Variants in HS6ST3 observed in about 807,000 individuals in gnomAD.
HS6ST3 encodes heparan-sulfate 6-O-sulfotransferase 3.
A neutral mutation model predicts 36.7 loss-of-function variants in HS6ST3; 12 were observed. The observed-to-expected ratio is 0.33, with a 90% confidence interval of 0.21 to 0.53. The LOEUF (loss-of-function observed/expected upper bound fraction) is 0.53. HS6ST3 is among the 20% of genes least tolerant of loss of function. The pLI is 0.95. For missense variants in HS6ST3, 584 were observed against 640.9 expected (o/e 0.91, Z 0.96); for synonymous variants, 240 against 257.5 (o/e 0.93, Z 0.65).
intron 1 of HS6ST3, among the ~76,000 whole-genome samples, chr13:96,756,107 A>G (rs1039513587): frequency 1.1e-4 from 16 of 152,276 alleles, no homozygotes; most frequent in African/African-American, 3.8e-4. Context: ...CTTATTAGCC[A>G]TGTGTATATA....
At chr13:96,450,013 C>T (rs2055719844) in intron 1 of HS6ST3, among the ~76,000 whole-genome samples, 1 of 152,168 alleles carries the variant, frequency 6.6e-6, no homozygotes, top group Non-Finnish European at 1.5e-5. Context: ...CATCAAAGAG[C>T]AGCCCCAGGT....
intron 1 of HS6ST3, among the ~76,000 whole-genome samples, chr13:96,689,567 G>T (rs574940977): frequency 6.7e-6 from 1 of 148,154 alleles, no homozygotes; most frequent in Non-Finnish European, 1.5e-5. Context: ...TAGTCGTCAG[G>T]ATCACCCATT....
At chr13:96,263,785 G>A (rs1315462960) in intron 1 of HS6ST3, among the ~76,000 whole-genome samples, 1 of 152,248 alleles carries the variant, frequency 6.6e-6, no homozygotes, top group African/African-American at 2.4e-5. Flanking sequence ...GACAAGAACA[G>A]AGCAGCCACT....
chr13:96,680,075 G>A (rs968720203), intron 1 of HS6ST3, among the ~76,000 whole-genome samples: 2 of 152,106 alleles, frequency 1.3e-5, no homozygotes, highest in African/African-American at 4.8e-5. Context: ...ATCCAAGACA[G>A]GTTTGGTGCC....
At chr13:96,787,614 ATTAAG>A (rs1015674752) in intron 1 of HS6ST3, among the ~76,000 whole-genome samples, 1 of 151,920 alleles carries the variant, frequency 6.6e-6, no homozygotes, top group Non-Finnish European at 1.5e-5. Context: ...CACATTTCTA[ATTAAG>A]TTGTCATTGC....
intron 1 of HS6ST3, among the ~76,000 whole-genome samples, chr13:96,415,111 C>A (rs1472377738): frequency 2.0e-5 from 3 of 152,158 alleles, no homozygotes; most frequent in Non-Finnish European, 4.4e-5. Context: ...ACATTACTGC[C>A]TTGCAGCTAT....
chr13:96,210,238 C>A (rs1326957668), intron 1 of HS6ST3, among the ~76,000 whole-genome samples: 1 of 152,182 alleles, frequency 6.6e-6, no homozygotes, highest in Admixed American at 6.5e-5. Flanking sequence ...CAAATGTAAG[C>A]CAAAATATTT....
intron 1 of HS6ST3, among the ~76,000 whole-genome samples, chr13:96,420,321 A>G (rs1014751325): frequency 1.3e-5 from 2 of 152,092 alleles, no homozygotes; most frequent in Non-Finnish European, 2.9e-5. Context: ...CTCCTGTGTT[A>G]TGCCTGCTTT....
At chr13:96,612,211 G>A (rs930422355) in intron 1 of HS6ST3, among the ~76,000 whole-genome samples, 1 of 152,124 alleles carries the variant, frequency 6.6e-6, no homozygotes, top group African/African-American at 2.4e-5. Flanking sequence ...GAAACACAGG[G>A]TGAGGTTCCT....
At chr13:96,291,262 A>G (rs1403270606) in intron 1 of HS6ST3, among the ~76,000 whole-genome samples, 1 of 152,206 alleles carries the variant, frequency 6.6e-6, no homozygotes, top group African/African-American at 2.4e-5. Flanking sequence ...GTAGATGCTC[A>G]ATAAATATTT....
intron 1 of HS6ST3, among the ~76,000 whole-genome samples, chr13:96,755,656 C>T (rs1018002172): frequency 6.6e-6 from 1 of 152,198 alleles, no homozygotes; most frequent in South Asian, 2.1e-4. Flanking sequence ...AGCCACCACA[C>T]CCAGCTAATA....
intron 1 of HS6ST3, among the ~76,000 whole-genome samples, chr13:96,300,720 TA>T (rs1178417357): frequency 2.0e-5 from 3 of 152,194 alleles, no homozygotes; most frequent in Non-Finnish European, 4.4e-5. Flanking sequence ...CTTTTTATAT[TA>T]AAAATATATA....
chr13:96,721,988 C>T (rs1370329810), intron 1 of HS6ST3, among the ~76,000 whole-genome samples: 6 of 152,084 alleles, frequency 3.9e-5, no homozygotes, highest in East Asian at 3.9e-4. Flanking sequence ...TACATGTGGC[C>T]GGGTGCAGTG....
chr13:96,141,615 A>G (rs1288774005), intron 1 of HS6ST3, among the ~76,000 whole-genome samples: 1 of 152,102 alleles, frequency 6.6e-6, no homozygotes, highest in Admixed American at 6.6e-5. Context: ...GTGAGCTACC[A>G]TGCCTGGCCT....
At chr13:96,477,283 A>C (rs1242606718) in intron 1 of HS6ST3, among the ~76,000 whole-genome samples, 4 of 152,214 alleles carry the variant, frequency 2.6e-5, no homozygotes, top group Non-Finnish European at 5.9e-5. Context: ...GGAAGAAGAG[A>C]GGGATGCGAA....
intron 1 of HS6ST3, among the ~76,000 whole-genome samples, chr13:96,172,104 C>T (rs2054190281): frequency 6.6e-6 from 1 of 152,186 alleles, no homozygotes; most frequent in South Asian, 2.1e-4. Flanking sequence ...GTATTTAATT[C>T]ATAAATAACT....
At chr13:96,722,097 C>T (rs754848380) in intron 1 of HS6ST3, among the ~76,000 whole-genome samples, 8 of 152,056 alleles carry the variant, frequency 5.3e-5, no homozygotes, top group Admixed American at 3.9e-4. Context: ...GAAACCTCGT[C>T]TCTACTAAAA....
chr13:96,815,614 T>C (rs976296967), intron 1 of HS6ST3, among the ~76,000 whole-genome samples: 6 of 152,154 alleles, frequency 3.9e-5, no homozygotes, highest in Non-Finnish European at 7.3e-5. Flanking sequence ...CCACCCATCA[T>C]AGCAGATCAT....
chr13:96,253,625 C>T (rs1460108466), intron 1 of HS6ST3, among the ~76,000 whole-genome samples: 1 of 152,190 alleles, frequency 6.6e-6, no homozygotes, highest in Admixed American at 6.5e-5. Flanking sequence ...CACCGTCTCA[C>T]TGATGTCATG....
Sources: allele counts gnomAD v4.1 joint callset (sites outside exome capture counted in the v4.1 genomes callset), GRCh38; gene constraint gnomAD v4.1.1; transcripts MANE v1.5; gene names NCBI Gene and HGNC (gene_info 2026-07-23, HGNC 2026-07-21).